Variants in SULT6B1 observed in about 807,000 individuals in gnomAD.
The protein encoded by SULT6B1 is sulfotransferase 6B1.
SULT6B1 carries 44 observed loss-of-function variants against 37.2 expected under a neutral mutation model. The observed-to-expected ratio is 1.18, with a 90% CI of 0.93 to 1.52. SULT6B1 has a LOEUF of 1.52. SULT6B1 is among the 40% of genes most tolerant of loss of function. The pLI, the probability that SULT6B1 is intolerant of heterozygous loss-of-function variation, is 0.00. For synonymous variants in SULT6B1, 140 were observed against 126.0 expected, an observed-to-expected ratio of 1.11 and a Z score of -0.74; for missense variants, 450 against 361.0, an observed-to-expected ratio of 1.25 and a Z score of -2.00.
intron 6 of SULT6B1, among the ~76,000 whole-genome samples, chr2:37,169,419 T>A (rs1676248143): frequency 6.6e-6 from 1 of 152,244 alleles, no homozygotes; most frequent in East Asian, 1.9e-4. Flanking sequence ...TTCCTGAGCT[T>A]TGATTCCTAC....
rs1676872909 is a variant in SULT6B1 at position 37,194,906 on chromosome 2, TTCCTTCC to T, written c.-22+1603_-22+1609del. ...CTTCCTTCCTTCCTTCTTTCCTTCC[TTCCTTCC>T]TTCCTTCCTTCCTTCCTTCCTTCCT... is the stretch of plus-strand genomic sequence containing the variant. On this transcript the variant is annotated intron_variant, in intron 1 of 7. Transcript: ENST00000407963. Among the ~76,000 whole-genome samples the T allele has an allele frequency of 3.9e-4, 10 of 25,654 alleles. 2 individuals are homozygous for T. Among genetic ancestry groups the T allele is most frequent in the African/African-American group, 1.8e-3 (10 of 5,494 alleles). 16.8% of individuals were successfully genotyped at this position (25,654 alleles called of 152,430 possible). A position where few individuals can be genotyped will look rare whatever the true frequency, so the allele number is the denominator to read the frequency against.
At chr2:37,168,136 T>C (rs1676219570) in intron 6 of SULT6B1, 71 bp from the exon 7 acceptor site, 1 of 1,425,942 alleles carries the variant, frequency 7.0e-7, no homozygotes, top group African/African-American at 1.5e-5. Context: ...CCATTTTCAG[T>C]GCAATATTTC....
chr2:37,188,692 G>A (rs1676725347), upstream of SULT6B1: 1 of 665,760 alleles, frequency 1.5e-6, no homozygotes, highest in East Asian at 2.8e-5. Context: ...GGGAGTGATT[G>A]CTTTTAATGG....
rs776246526 is a variant in SULT6B1 at position 37,168,070 on chromosome 2, A to AACCTACG, written c.782-6_782-5insCGTAGGT. The AACCTACG allele has an allele frequency of 1.9e-6, 3 of 1,578,380 alleles. No homozygotes were observed. The highest frequency in any genetic ancestry group is 1.7e-6 in the Non-Finnish European group (2 of 1,169,840). On this transcript the variant is annotated splice_polypyrimidine_tract_variant and splice_region_variant and intron_variant, in intron 6 of 6. Transcript: ENST00000535679. ...TTTTCCAATCACCAACTTCACCTAC[A>AACCTACG]ACACACAAAAAACAGTAGACCCAGA...
upstream of SULT6B1, among the ~76,000 whole-genome samples, chr2:37,193,643 A>G (rs35648338): frequency 1.4e-3 from 190 of 132,426 alleles, no homozygotes; most frequent in East Asian, 2.9e-3. Context: ...GAAGAAGAAG[A>G]AGAAGAAGGA....
chr2:37,187,236 C>A (rs1282719509), intron 2 of SULT6B1, 119 bp downstream of exon 2: 1 of 660,770 alleles, frequency 1.5e-6, no homozygotes, highest in South Asian at 1.9e-5. Flanking sequence ...GGTAAGCACA[C>A]AGTAAATTGT....
At chr2:37,192,872 A>G (rs993568346), upstream of SULT6B1, among the ~76,000 whole-genome samples, 9 of 152,210 alleles carry the variant, frequency 5.9e-5, no homozygotes, top group African/African-American at 2.2e-4. Context: ...GTCTAGGCTT[A>G]GGTCAACCTG....
chr2:37,191,920 T>C (rs867579264), upstream of SULT6B1, among the ~76,000 whole-genome samples: 1 of 152,174 alleles, frequency 6.6e-6, no homozygotes, highest in Non-Finnish European at 1.5e-5. Flanking sequence ...GCATCCCTGT[T>C]TGGGTGTCAC....
At chr2:37,169,391 G>A (rs1395656636) in intron 6 of SULT6B1, among the ~76,000 whole-genome samples, 1 of 152,192 alleles carries the variant, frequency 6.6e-6, no homozygotes, top group Non-Finnish European at 1.5e-5. Flanking sequence ...TTAGCTATGT[G>A]ACAATGGAAA....
intron 3 of SULT6B1, 146 bp downstream of exon 3, chr2:37,183,279 C>G: frequency 1.6e-6 from 1 of 628,006 alleles, no homozygotes; most frequent in Non-Finnish European, 2.7e-6. Flanking sequence ...AAATATATGT[C>G]AAGAAAGAAA....
In SULT6B1 at chr2:37,186,387, C is replaced by A. The variant is rs1647553407; in HGVS notation, c.312+968G>T. Among the ~76,000 whole-genome samples, 3 of 152,286 alleles carry A rather than the reference C, an allele frequency of 2.0e-5. No homozygotes were observed. The Middle Eastern group carries it at 0.01, about 518-fold the overall frequency. On this transcript the variant is annotated intron_variant, in intron 2 of 6. Coordinates refer to ENST00000535679, the MANE Select transcript of SULT6B1 (RefSeq NM_001367551.1). ...CCCTGAAGTCCTGAGGTAGACCATC[C>A]TCCCACTCCTTTCTTGCCTTCCCTG...
At chr2:37,171,232 T>C (rs1044207328) in intron 6 of SULT6B1, among the ~76,000 whole-genome samples, 2 of 151,902 alleles carry the variant, frequency 1.3e-5, no homozygotes, top group Non-Finnish European at 2.9e-5. Flanking sequence ...AGAGCGAGAC[T>C]CCGTCTCAAA....
intron 4 of SULT6B1, among the ~76,000 whole-genome samples, chr2:37,175,587 A>C (rs900180886): frequency 1.3e-5 from 2 of 152,230 alleles, no homozygotes; most frequent in Admixed American, 1.3e-4. Context: ...GATGAAAAAG[A>C]CATTTTCTAG....
chr2:37,190,818 G>A (rs1470767244), upstream of SULT6B1, among the ~76,000 whole-genome samples: 1 of 152,132 alleles, frequency 6.6e-6, no homozygotes, highest in Non-Finnish European at 1.5e-5. Flanking sequence ...TGGAGGTCTG[G>A]CTGGCATTAT....
intron 6 of SULT6B1, among the ~76,000 whole-genome samples, chr2:37,170,432 A>G (rs1333044758): frequency 2.6e-5 from 4 of 151,472 alleles, no homozygotes; most frequent in Non-Finnish European, 5.9e-5. Flanking sequence ...GCACTACCAC[A>G]CTCCAGCCTG....
chr2:37,180,688 A>G (rs1160981100), intron 3 of SULT6B1, among the ~76,000 whole-genome samples: 2 of 152,198 alleles, frequency 1.3e-5, no homozygotes, highest in Non-Finnish European at 2.9e-5. Context: ...GTTCGAGACC[A>G]GCCTGGCCAA....
chr2:37,178,228 C>G (rs1572459394), intron 4 of SULT6B1, among the ~76,000 whole-genome samples: 1 of 151,710 alleles, frequency 6.6e-6, no homozygotes, highest in African/African-American at 2.4e-5. Flanking sequence ...ATTTTTATTT[C>G]TTTATTTTTT....
At chr2:37,177,411 C>CAAAAAAAAA (rs57205863) in intron 4 of SULT6B1, among the ~76,000 whole-genome samples, 9 of 76,288 alleles carry the variant, frequency 1.2e-4, no homozygotes, top group South Asian at 5.2e-4. Flanking sequence ...AATCTTGTCT[C>CAAAAAAAAA]AAAAAAAAAA....
intron 3 of SULT6B1, among the ~76,000 whole-genome samples, chr2:37,182,914 T>G (rs62135002): frequency 0.3 from 45,515 of 152,112 alleles, 7,864 homozygotes; most frequent in East Asian, 0.79. Flanking sequence ...AGGCATGGTG[T>G]CCCATGCCTG....
Sources: gnomAD v4.1 joint callset for allele counts (sites outside exome capture counted in the v4.1 genomes callset) on GRCh38, gnomAD v4.1.1 for gene constraint, MANE v1.5 for transcripts, NCBI Gene and HGNC (gene_info 2026-07-23, HGNC 2026-07-21) for gene names.